MYO5B: variants seen among roughly 807,000 people sequenced by gnomAD.
The protein encoded by MYO5B is myosin VB.
A neutral mutation model predicts 229.3 loss-of-function variants in MYO5B; 143 were observed. The observed-to-expected ratio is 0.62, with a 90% CI of 0.54 to 0.72. The LOEUF is 0.72. MYO5B is among the 30% of genes least tolerant of loss of function. The probability of loss-of-function intolerance (pLI) is 0.00; values close to 1 mark genes in which losing one functional copy is unlikely to be tolerated. For missense variants in MYO5B, 2,321 were observed against 2,331.0 expected (o/e 1.00, Z 0.09); for synonymous variants, 918 against 885.2 (o/e 1.04, Z -0.66).
chr18:49,951,934 G>C (rs986641496), intron 14 of MYO5B, among the ~76,000 whole-genome samples: 7 of 152,212 alleles, frequency 4.6e-5, no homozygotes, highest in African/African-American at 1.7e-4. Context: ...ACAGACTGGA[G>C]ATCTAAAAAC....
rs542587674 is a variant in MYO5B at position 50,046,830 on chromosome 18, C to A, written c.139-6516G>T. 2.6e-5 allele frequency among the ~76,000 whole-genome samples: 4 copies of A among 152,258 alleles called. No homozygotes were observed. In the East Asian group the frequency reaches 7.7e-4, roughly 29 times the overall value. On this transcript the variant is annotated intron_variant, in intron 2 of 39. Coordinates refer to ENST00000285039, the MANE Select transcript of MYO5B (RefSeq NM_001080467.3). Reference sequence around the variant, plus strand: ...CTTTGACAAACCTGACAAAAACAAGCAATGGGGAAAGGATTCCCTATTTAA... The same window carrying A: ...CTTTGACAAACCTGACAAAAACAAGAAATGGGGAAAGGATTCCCTATTTAA...
Position 49,900,054 on chromosome 18 carries a change from C to T in MYO5B, c.2811+2540G>A, listed in dbSNP as rs139059280. ...AGAAATCAGCAATGCCAATGCAGAGCCCCAAGGCTGGAAAGCAAGGCCTGG... is the reference window on the plus strand; with the variant it reads ...AGAAATCAGCAATGCCAATGCAGAGTCCCAAGGCTGGAAAGCAAGGCCTGG... On this transcript the variant is annotated intron_variant, in intron 21 of 39. Transcript: ENST00000285039. 7.5e-3 allele frequency among the ~76,000 whole-genome samples: 1,149 copies of T among 152,278 alleles called. 20 individuals are homozygous for T. The highest frequency in any genetic ancestry group is 0.027 in the African/African-American group (1,107 of 41,558).
rs1048982330 is a variant in MYO5B at position 49,853,507 on chromosome 18, T to G, written c.4163A>C (p.Glu1388Ala). ...TFCQTLLLSP[E>A]AQVEFGVQQE... is the part of the protein sequence containing the mutation. ...CTGAACGCCGAATTCCACCTGGGCC[T>G]CTGGGGAGAGCAGTAGCGTCTGGCA... Residue 1388 changes from glutamate to alanine, a missense_variant, in exon 31 of 40, where the codon GAG becomes GCG. By Grantham distance (107) the Glu-to-Ala change is moderately radical. Transcript: ENST00000285039. The G allele has an allele frequency of 3.1e-6, 5 of 1,614,070 alleles. No individual in the cohort carries two copies. The African/African-American group carries it at 6.7e-5, about 22-fold the overall frequency.
chr18:49,904,572 A>C, intron 20 of MYO5B, 100 bp downstream of exon 20: 1 of 1,456,174 alleles, frequency 6.9e-7, no homozygotes, highest in Non-Finnish European at 9.6e-7. Context: ...TTTAGAAAAA[A>C]GTTGGGAGTG....
chr18:50,174,502 C>G (rs2032966948), intron 1 of MYO5B, among the ~76,000 whole-genome samples: 1 of 152,206 alleles, frequency 6.6e-6, no homozygotes, highest in African/African-American at 2.4e-5. Context: ...TCAGGGTCTC[C>G]ATTCCCTCTT....
intron 6 of MYO5B, among the ~76,000 whole-genome samples, chr18:49,991,026 G>A (rs1483242703): frequency 6.6e-6 from 1 of 151,928 alleles, no homozygotes; most frequent in East Asian, 2.0e-4. Context: ...CCTTACACCG[G>A]TGGGGTGGGT....
intron 22 of MYO5B, among the ~76,000 whole-genome samples, chr18:49,893,740 T>C (rs953636414): frequency 6.6e-6 from 1 of 152,228 alleles, no homozygotes; most frequent in Non-Finnish European, 1.5e-5. Context: ...CTGATGGTGC[T>C]GAGGCCCGAG....
intron 14 of MYO5B, among the ~76,000 whole-genome samples, chr18:49,943,494 G>A (rs1216275071): frequency 3.3e-5 from 5 of 152,126 alleles, no homozygotes; most frequent in Non-Finnish European, 7.4e-5. Context: ...AAATCCATAT[G>A]CCAACATCAT....
At chr18:50,153,334 G>A (rs1218931973) in intron 1 of MYO5B, among the ~76,000 whole-genome samples, 1 of 152,178 alleles carries the variant, frequency 6.6e-6, no homozygotes, top group African/African-American at 2.4e-5. Context: ...GATCCCCTGT[G>A]CAACAAGAGA....
chr18:50,048,473 A>C (rs1331659046), intron 2 of MYO5B, among the ~76,000 whole-genome samples: 8 of 152,160 alleles, frequency 5.3e-5, no homozygotes, highest in Non-Finnish European at 1.0e-4. Context: ...CACTGACACC[A>C]ACATGCTGCC....
chr18:50,098,457 A>G (rs919682690), intron 1 of MYO5B, among the ~76,000 whole-genome samples: 4 of 152,226 alleles, frequency 2.6e-5, no homozygotes, highest in African/African-American at 9.6e-5. Flanking sequence ...TCTACTGGTT[A>G]CTAGGCTGGC....
chr18:50,187,393 T>G (rs1022987615), intron 1 of MYO5B, among the ~76,000 whole-genome samples: 3 of 152,240 alleles, frequency 2.0e-5, no homozygotes, highest in Non-Finnish European at 4.4e-5. Flanking sequence ...CCTGAGGTGA[T>G]GCAGTGAGAA....
rs145340843 is a variant in MYO5B, at chr18:50,064,902, C to T, written c.28-9524G>A. 1.3e-4 allele frequency among the ~76,000 whole-genome samples: 20 copies of T among 152,272 alleles called. No homozygotes were observed. In the East Asian group the frequency reaches 3.9e-3, roughly 29 times the overall value. Reference sequence around the variant, plus strand: ...CTCTTCTGCGAACCACTTCACTGACCAAAATTATTAAGAGAAAGCATAGGA... The same window carrying T: ...CTCTTCTGCGAACCACTTCACTGACTAAAATTATTAAGAGAAAGCATAGGA... On this transcript the variant is annotated intron_variant, in intron 1 of 39. Coordinates refer to ENST00000285039, the MANE Select transcript of MYO5B (RefSeq NM_001080467.3).
intron 39 of MYO5B, among the ~76,000 whole-genome samples, chr18:49,832,625 T>C (rs545471254): frequency 1.1e-4 from 16 of 152,218 alleles, no homozygotes; most frequent in Non-Finnish European, 2.1e-4. Flanking sequence ...GGCTCTATAG[T>C]GGCAGGGGAA....
chr18:50,175,943 C>T (rs1263928966), intron 1 of MYO5B, among the ~76,000 whole-genome samples: 1 of 152,232 alleles, frequency 6.6e-6, no homozygotes, highest in Non-Finnish European at 1.5e-5. Flanking sequence ...TGGAAGAACT[C>T]AGAGAGGAAA....
intron 10 of MYO5B, among the ~76,000 whole-genome samples, chr18:49,963,953 C>G (rs950034130): frequency 6.6e-6 from 1 of 152,132 alleles, no homozygotes; most frequent in Admixed American, 6.5e-5. Context: ...GAGGGGACAC[C>G]TTTACTTAAT....
At chr18:49,908,249 C>G (rs192349824) in intron 18 of MYO5B, among the ~76,000 whole-genome samples, 1 of 152,202 alleles carries the variant, frequency 6.6e-6, no homozygotes, top group Non-Finnish European at 1.5e-5. Flanking sequence ...CACCCATCAG[C>G]CTCATCTCCA....
rs183152307 is a variant in MYO5B, at chr18:49,829,400, T to C, written c.5395-2777A>G. Among the ~76,000 whole-genome samples the C allele has an allele frequency of 2.4e-3, 359 of 152,256 alleles. 1 individual carries two copies. Among genetic ancestry groups the C allele is most frequent in the African/African-American group, 8.5e-3 (352 of 41,552 alleles). ...CCAGGAACACACAAACTACCAAAAC[T>C]GATTTAAGAAGAAATAGAAAATTTG... On this transcript the variant is annotated intron_variant, in intron 39 of 39. Coordinates refer to ENST00000285039, the MANE Select transcript of MYO5B (RefSeq NM_001080467.3).
intron 1 of MYO5B, among the ~76,000 whole-genome samples, chr18:50,143,821 C>T (rs568982015): frequency 7.6e-4 from 116 of 152,298 alleles, no homozygotes; most frequent in African/African-American, 2.4e-3. Flanking sequence ...TGTCCTGTCT[C>T]CTACGCACCT....
Sources: gnomAD v4.1 joint callset for allele counts (sites outside exome capture counted in the v4.1 genomes callset) on GRCh38, gnomAD v4.1.1 for gene constraint, MANE v1.5 for transcripts, NCBI Gene and HGNC (gene_info 2026-07-23, HGNC 2026-07-21) for gene names.